Variants in PRR16 observed in about 807,000 individuals in gnomAD.
The protein encoded by PRR16 is protein Largen.
A neutral mutation model predicts 18.2 loss-of-function variants in PRR16; 6 were observed. The observed-to-expected ratio is 0.33, with a 90% CI of 0.18 to 0.65. The LOEUF is 0.65. Ranked by LOEUF, PRR16 falls within the 30% of genes least tolerant of loss-of-function variation. PRR16 has a pLI of 0.74. For missense variants in PRR16, 412 were observed against 376.6 expected (o/e 1.09, Z -0.78); for synonymous variants, 151 against 147.8 (o/e 1.02, Z -0.16).
intron 1 of PRR16, among the ~76,000 whole-genome samples, chr5:120,575,575 A>G (rs780530572): frequency 4.6e-5 from 7 of 152,164 alleles, no homozygotes; most frequent in Non-Finnish European, 7.4e-5. Context: ...ATCTCAATAG[A>G]TGCAGATGAA....
the PRR16 span, among the ~76,000 whole-genome samples, chr5:120,775,805 T>G: frequency 2.7e-5 from 4 of 146,624 alleles, no homozygotes; most frequent in African/African-American, 1.0e-4. Flanking sequence ...TATTTTTTTT[T>G]TTTTTTTTTT....
At chr5:120,768,151 A>C in the PRR16 span, among the ~76,000 whole-genome samples, 4 of 151,896 alleles carry the variant, frequency 2.6e-5, no homozygotes, top group Admixed American at 2.6e-4. Context: ...AAATGAAATA[A>C]TACAATATGT....
At chr5:120,649,034 T>C (rs1755689484) in intron 1 of PRR16, among the ~76,000 whole-genome samples, 1 of 152,122 alleles carries the variant, frequency 6.6e-6, no homozygotes, top group Admixed American at 6.6e-5. Flanking sequence ...TTTATATAGT[T>C]TAATTTTTAA....
the PRR16 span, among the ~76,000 whole-genome samples, chr5:120,765,309 T>TTTA: frequency 1.3e-5 from 2 of 151,982 alleles, no homozygotes; most frequent in African/African-American, 4.8e-5. Flanking sequence ...GAATGTATCT[T>TTTA]AGTCTGTTTT....
At chr5:120,651,573 T>C (rs1435134374) in intron 1 of PRR16, among the ~76,000 whole-genome samples, 3 of 152,224 alleles carry the variant, frequency 2.0e-5, no homozygotes, top group Non-Finnish European at 2.9e-5. Flanking sequence ...CAGCACCATT[T>C]ATTAAACAGG....
chr5:120,521,892 A>AT, intron 1 of PRR16, among the ~76,000 whole-genome samples: 1 of 152,080 alleles, frequency 6.6e-6, no homozygotes, highest in East Asian at 1.9e-4. Context: ...TCATTGTTCA[A>AT]TTCCCACCTA....
chr5:120,765,114 C>T, the PRR16 span, among the ~76,000 whole-genome samples: 2 of 121,924 alleles, frequency 1.6e-5, no homozygotes, highest in East Asian at 2.1e-4. Context: ...ACTTATAACA[C>T]CATAAAAGAG....
chr5:120,660,852 G>T (rs906080251), intron 1 of PRR16, among the ~76,000 whole-genome samples: 1 of 151,988 alleles, frequency 6.6e-6, no homozygotes, highest in East Asian at 1.9e-4. Context: ...AGCAAAAAAA[G>T]GATTTGAAAT....
chr5:120,563,727 C>T (rs1242769116), intron 1 of PRR16, among the ~76,000 whole-genome samples: 1 of 152,172 alleles, frequency 6.6e-6, no homozygotes, highest in East Asian at 1.9e-4. Context: ...TGCTCTACCC[C>T]ACTGTGGCTG....
the PRR16 span, among the ~76,000 whole-genome samples, chr5:120,704,234 T>C: frequency 6.6e-6 from 1 of 152,164 alleles, no homozygotes; most frequent in Non-Finnish European, 1.5e-5. Context: ...GATAGTGCTA[T>C]GGAAAGCTGA....
intron 1 of PRR16, among the ~76,000 whole-genome samples, chr5:120,512,968 A>G (rs1032323695): frequency 6.6e-6 from 1 of 152,154 alleles, no homozygotes; most frequent in Non-Finnish European, 1.5e-5. Context: ...TGGACAGGCA[A>G]TTCCCTGAAT....
At chr5:120,621,326 G>A (rs17500705) in intron 1 of PRR16, among the ~76,000 whole-genome samples, 59,032 of 151,782 alleles carry the variant, frequency 0.39, 11,993 homozygotes, top group Middle Eastern at 0.54. Flanking sequence ...CCTGCTGCTT[G>A]TCTTGGAGGT....
chr5:120,497,847 CTAATAT>C (rs1750310063), intron 1 of PRR16, among the ~76,000 whole-genome samples: 1 of 151,290 alleles, frequency 6.6e-6, no homozygotes, highest in East Asian at 1.9e-4. Flanking sequence ...TTTACCTGCT[CTAATAT>C]TAATATAGTC....
chr5:120,772,353 TG>T, the PRR16 span, among the ~76,000 whole-genome samples: 3 of 152,132 alleles, frequency 2.0e-5, no homozygotes, highest in African/African-American at 7.2e-5. Context: ...TAATCTCATC[TG>T]TAATCTTTAA....
At chr5:120,640,486 C>T (rs997147079) in intron 1 of PRR16, among the ~76,000 whole-genome samples, 3 of 152,084 alleles carry the variant, frequency 2.0e-5, no homozygotes, top group Admixed American at 2.0e-4. Flanking sequence ...TAATGCCCCC[C>T]ATAATAGTCT....
At chr5:120,716,889 T>C in the PRR16 span, among the ~76,000 whole-genome samples, 180 of 147,898 alleles carry the variant, frequency 1.2e-3, no homozygotes, top group African/African-American at 4.5e-3. Flanking sequence ...CAAAACAAAA[T>C]AAAACAAACA....
At chr5:120,785,404 G>A in the PRR16 span, among the ~76,000 whole-genome samples, 6 of 151,954 alleles carry the variant, frequency 3.9e-5, no homozygotes, top group Admixed American at 2.6e-4. Flanking sequence ...TCATCATGAC[G>A]CCTTATTTCA....
At chr5:120,557,187 C>G (rs1264109219) in intron 1 of PRR16, among the ~76,000 whole-genome samples, 1 of 151,724 alleles carries the variant, frequency 6.6e-6, no homozygotes, top group Admixed American at 6.6e-5. Context: ...TTTTTCAGGT[C>G]TCAGAACCAA....
chr5:120,773,012 G>A, the PRR16 span, among the ~76,000 whole-genome samples: 1 of 152,054 alleles, frequency 6.6e-6, no homozygotes, highest in Non-Finnish European at 1.5e-5. Context: ...TTGAGGTACT[G>A]TAAGTATACT....
Sources: allele counts gnomAD v4.1 joint callset (sites outside exome capture counted in the v4.1 genomes callset), GRCh38; gene constraint gnomAD v4.1.1; transcripts MANE v1.5; gene names NCBI Gene and HGNC (gene_info 2026-07-23, HGNC 2026-07-21).